Variants in SPIRE1 observed in about 807,000 individuals in gnomAD.
The protein encoded by SPIRE1 is protein spire homolog 1.
Under a neutral mutation model 94.1 loss-of-function variants are expected in SPIRE1, and 40 were observed. The observed-to-expected ratio is 0.43, with a 90% CI of 0.33 to 0.55. SPIRE1 has a LOEUF of 0.55. Among genes scored for constraint, SPIRE1 ranks in the 20% least tolerant of loss-of-function variants. The probability of loss-of-function intolerance (pLI) is 0.06; values close to 1 mark genes in which losing one functional copy is unlikely to be tolerated. For missense variants in SPIRE1, 838 were observed against 975.2 expected, an observed-to-expected ratio of 0.86 and a Z score of 1.87; for synonymous variants, 376 against 371.7, an observed-to-expected ratio of 1.01 and a Z score of -0.13.
chr18:12,590,539 T>C (rs1468875238), intron 2 of SPIRE1, among the ~76,000 whole-genome samples: 1 of 152,122 alleles, frequency 6.6e-6, no homozygotes, highest in African/African-American at 2.4e-5. Context: ...AGTTATAAGA[T>C]GTTCCAGTAT....
At chr18:12,558,483 G>A (rs560456486) in intron 2 of SPIRE1, among the ~76,000 whole-genome samples, 4 of 152,346 alleles carry the variant, frequency 2.6e-5, no homozygotes, top group South Asian at 2.1e-4. Flanking sequence ...CTCGAGCAGC[G>A]TGCCACTGCT....
chr18:12,481,288 C>CG (rs1201479574), intron 9 of SPIRE1, among the ~76,000 whole-genome samples: 1 of 132,826 alleles, frequency 7.5e-6, no homozygotes, highest in African/African-American at 2.8e-5. Context: ...CCCCGCCCCC[C>CG]GCAAGAATGT....
intron 2 of SPIRE1, among the ~76,000 whole-genome samples, chr18:12,596,570 C>A (rs1246132955): frequency 6.6e-6 from 1 of 152,026 alleles, no homozygotes. Flanking sequence ...ATTGTAATTA[C>A]CCACACAAGA....
At chr18:12,460,743 C>T (rs1410074602) in intron 12 of SPIRE1, among the ~76,000 whole-genome samples, 1 of 151,478 alleles carries the variant, frequency 6.6e-6, no homozygotes, top group Non-Finnish European at 1.5e-5. Flanking sequence ...ACAATAAAAA[C>T]ATTCCTGCCA....
intron 2 of SPIRE1, among the ~76,000 whole-genome samples, chr18:12,606,736 G>GA (rs201377249): frequency 1.0e-3 from 155 of 152,180 alleles, no homozygotes; most frequent in East Asian, 4.1e-3. Flanking sequence ...TCGCCATGTT[G>GA]GCCAGGCTGC....
At chr18:12,639,264 C>T (rs1182257559) in intron 1 of SPIRE1, among the ~76,000 whole-genome samples, 1 of 144,702 alleles carries the variant, frequency 6.9e-6, no homozygotes, top group East Asian at 2.0e-4. Context: ...CACTCCATCT[C>T]AAAAAAAAAA....
intron 1 of SPIRE1, among the ~76,000 whole-genome samples, chr18:12,649,955 G>A (rs533724627): frequency 1.1e-3 from 174 of 152,234 alleles, no homozygotes; most frequent in Non-Finnish European, 4.1e-4. Flanking sequence ...AAAAGTGACA[G>A]TAGGTCAGGC....
At chr18:12,529,181 A>G (rs2034610211) in intron 4 of SPIRE1, among the ~76,000 whole-genome samples, 1 of 152,198 alleles carries the variant, frequency 6.6e-6, no homozygotes, top group Admixed American at 6.5e-5. Flanking sequence ...CATCCTGGCT[A>G]ACATGGTGAA....
chr18:12,524,742 G>A (rs1352287341), intron 4 of SPIRE1, among the ~76,000 whole-genome samples: 1 of 152,078 alleles, frequency 6.6e-6, no homozygotes, highest in Non-Finnish European at 1.5e-5. Context: ...GGGAAGGTAA[G>A]GTGGCAGGAT....
At chr18:12,597,258 AC>A (rs988301300) in intron 2 of SPIRE1, among the ~76,000 whole-genome samples, 2 of 150,412 alleles carry the variant, frequency 1.3e-5, no homozygotes, top group Non-Finnish European at 3.0e-5. Flanking sequence ...CTTATTTATA[AC>A]CCCCCAAAGT....
At chr18:12,495,617 A>G (rs498822) in intron 7 of SPIRE1, among the ~76,000 whole-genome samples, 53,154 of 152,144 alleles carry the variant, frequency 0.35, 12,070 homozygotes, top group African/African-American at 0.65. Flanking sequence ...GGCCAGCTGT[A>G]GTGGCTCATG....
intron 4 of SPIRE1, among the ~76,000 whole-genome samples, chr18:12,530,142 C>A (rs1204143896): frequency 2.0e-5 from 3 of 152,070 alleles, no homozygotes; most frequent in Non-Finnish European, 4.4e-5. Flanking sequence ...TAAAATCTAT[C>A]TCAAATTTAA....
intron 1 of SPIRE1, among the ~76,000 whole-genome samples, chr18:12,645,470 TCACCCA>T (rs2038199049): frequency 6.6e-6 from 1 of 152,150 alleles, no homozygotes; most frequent in Non-Finnish European, 1.5e-5. Context: ...TTCCTCTTTC[TCACCCA>T]CACATAAAAA....
At chr18:12,527,028 C>T (rs2034543047) in intron 4 of SPIRE1, among the ~76,000 whole-genome samples, 1 of 152,056 alleles carries the variant, frequency 6.6e-6, no homozygotes, top group South Asian at 2.1e-4. Context: ...TTTTAAATAA[C>T]TTGCATGAAT....
intron 8 of SPIRE1, among the ~76,000 whole-genome samples, chr18:12,487,148 C>CG (rs1449180303): frequency 6.6e-6 from 1 of 152,046 alleles, no homozygotes; most frequent in Non-Finnish European, 1.5e-5. Context: ...CCACCATGCC[C>CG]GGCCAATTCA....
intron 9 of SPIRE1, among the ~76,000 whole-genome samples, chr18:12,484,870 C>T (rs1297628556): frequency 2.0e-5 from 3 of 151,942 alleles, no homozygotes; most frequent in Non-Finnish European, 4.4e-5. Context: ...GCAGCCTGGG[C>T]AACATGGTGA....
intron 4 of SPIRE1, among the ~76,000 whole-genome samples, chr18:12,526,056 T>TACACACACACACACACACACACAC (rs56263373): frequency 0.024 from 2,978 of 122,578 alleles, 102 homozygotes; most frequent in Middle Eastern, 0.028. Flanking sequence ...ATACTGAAGA[T>TACACACACACACACACACACACAC]ACACACACAC....
intron 4 of SPIRE1, among the ~76,000 whole-genome samples, chr18:12,531,070 ATTTG>A (rs1598440871): frequency 6.6e-6 from 1 of 151,850 alleles, no homozygotes; most frequent in Non-Finnish European, 1.5e-5. Flanking sequence ...CTCTTTATTT[ATTTG>A]TTTATTTTAT....
chr18:12,527,127 T>C (rs1399388512), intron 4 of SPIRE1, among the ~76,000 whole-genome samples: 1 of 152,210 alleles, frequency 6.6e-6, no homozygotes, highest in Non-Finnish European at 1.5e-5. Context: ...ATGGATATTA[T>C]GTTCTGTCAA....
Sources: gnomAD v4.1 joint callset for allele counts (sites outside exome capture counted in the v4.1 genomes callset) on GRCh38, gnomAD v4.1.1 for gene constraint, MANE v1.5 for transcripts, NCBI Gene and HGNC (gene_info 2026-07-23, HGNC 2026-07-21) for gene names.